EXT1: variants seen among roughly 807,000 people sequenced by gnomAD.
EXT1 encodes exostosin-1.
EXT1 carries 20 observed loss-of-function variants against 82.5 expected under a neutral mutation model. That is an observed-to-expected ratio of 0.24 (90% CI 0.17 to 0.35). The LOEUF (loss-of-function observed/expected upper bound fraction) is 0.35, where lower values mean the gene tolerates loss of function less well. Ranked by LOEUF, EXT1 falls within the 10% of genes least tolerant of loss-of-function variation. The pLI is 1.00. For missense variants in EXT1, 757 were observed against 936.5 expected, an observed-to-expected ratio of 0.81 and a Z score of 2.50; for synonymous variants, 348 against 350.8, an observed-to-expected ratio of 0.99 and a Z score of 0.09.
chr8:117,945,245 A>C (rs181183692), intron 1 of EXT1, among the ~76,000 whole-genome samples: 20 of 152,344 alleles, frequency 1.3e-4, no homozygotes, highest in African/African-American at 4.8e-4. Flanking sequence ...AGAAGTTAAG[A>C]ACATCACACA....
chr8:118,101,908 A>G (rs1387024481), intron 1 of EXT1, among the ~76,000 whole-genome samples: 1 of 152,086 alleles, frequency 6.6e-6, no homozygotes, highest in Non-Finnish European at 1.5e-5. Context: ...CAAGAAGAAA[A>G]CACTCAACAA....
chr8:117,845,447 T>A (rs933292081), intron 1 of EXT1, among the ~76,000 whole-genome samples: 1 of 152,054 alleles, frequency 6.6e-6, no homozygotes, highest in African/African-American at 2.4e-5. Flanking sequence ...TGTATATTAA[T>A]GAACACAACA....
chr8:117,809,060 T>G (rs186126010), intron 8 of EXT1, among the ~76,000 whole-genome samples: 240 of 151,872 alleles, frequency 1.6e-3, no homozygotes, highest in African/African-American at 5.6e-3. Context: ...ACCAGTAGCC[T>G]TCCTGGGTCT....
At chr8:117,898,368 T>C (rs2129961013) in intron 1 of EXT1, among the ~76,000 whole-genome samples, 1 of 152,320 alleles carries the variant, frequency 6.6e-6, no homozygotes, top group South Asian at 2.1e-4. Flanking sequence ...GGGGATGTTC[T>C]AGATGTTCAC....
At chr8:117,931,010 C>A (rs1031909549) in intron 1 of EXT1, among the ~76,000 whole-genome samples, 4 of 152,248 alleles carry the variant, frequency 2.6e-5, no homozygotes, top group Non-Finnish European at 5.9e-5. Flanking sequence ...AAGACGTTAT[C>A]TTATATGGCC....
chr8:118,085,338 T>G (rs1220552286), intron 1 of EXT1, among the ~76,000 whole-genome samples: 1 of 152,166 alleles, frequency 6.6e-6, no homozygotes, highest in African/African-American at 2.4e-5. Flanking sequence ...GCCATTTTGT[T>G]ATTAAAGCCA....
At chr8:117,817,689 GAC>G (rs1373937251) in intron 7 of EXT1, among the ~76,000 whole-genome samples, 7 of 152,144 alleles carry the variant, frequency 4.6e-5, no homozygotes, top group Non-Finnish European at 5.9e-5. Context: ...GGTAGGAAGA[GAC>G]ACAGCGCAAT....
At chr8:117,993,404 T>C (rs1202135695) in intron 1 of EXT1, among the ~76,000 whole-genome samples, 1 of 152,202 alleles carries the variant, frequency 6.6e-6, no homozygotes, top group African/African-American at 2.4e-5. Flanking sequence ...TGGATATTTA[T>C]GTACTTGAAA....
Position 117,798,281 on chromosome 8 carries a change from T to A in EXT1, c.*1431A>T, listed in dbSNP as rs1254555061. 2 of 152,232 alleles carry A rather than the reference T, an allele frequency of 1.3e-5. No homozygotes were observed. The highest frequency in any genetic ancestry group is 2.9e-5 in the Non-Finnish European group (2 of 68,038). 9.4% of individuals were successfully genotyped at this position (152,232 alleles called of 1,614,324 possible). ...GGACTCTAAAGTGCTTATTGTTTAT[T>A]CAGCATAATACATGGTCAAACTCAA... On this transcript the variant is annotated 3_prime_UTR_variant, in exon 11 of 11. Coordinates refer to ENST00000378204, the MANE Select transcript of EXT1 (RefSeq NM_000127.3).
At chr8:117,806,105 G>A (rs751304123) in intron 9 of EXT1, among the ~76,000 whole-genome samples, 13 of 152,160 alleles carry the variant, frequency 8.5e-5, no homozygotes, top group Non-Finnish European at 1.8e-4. Context: ...AAAATAATCT[G>A]ATCACTACTT....
intron 1 of EXT1, among the ~76,000 whole-genome samples, chr8:118,024,567 C>T (rs999750418): frequency 4.6e-5 from 7 of 151,612 alleles, no homozygotes; most frequent in African/African-American, 1.7e-4. Flanking sequence ...CTTCTTGGAA[C>T]TTGCAGTTCA....
intron 1 of EXT1, among the ~76,000 whole-genome samples, chr8:118,002,733 C>T (rs1275800998): frequency 6.6e-6 from 1 of 151,710 alleles, no homozygotes; most frequent in Non-Finnish European, 1.5e-5. Flanking sequence ...GGGGTTTCAC[C>T]GTGTGAGCCA....
At chr8:117,866,591 A>G (rs1812777741) in intron 1 of EXT1, among the ~76,000 whole-genome samples, 1 of 152,200 alleles carries the variant, frequency 6.6e-6, no homozygotes, top group African/African-American at 2.4e-5. Flanking sequence ...AAGTGTGATG[A>G]TTTATGCAGG....
At chr8:118,001,709 C>T (rs1156927750) in intron 1 of EXT1, among the ~76,000 whole-genome samples, 1 of 152,016 alleles carries the variant, frequency 6.6e-6, no homozygotes, top group African/African-American at 2.4e-5. Context: ...TTTTTCAACC[C>T]AGTCTATATT....
intron 1 of EXT1, among the ~76,000 whole-genome samples, chr8:117,903,384 AC>A (rs1199039672): frequency 1.3e-5 from 2 of 152,154 alleles, no homozygotes; most frequent in African/African-American, 4.8e-5. Context: ...GAGCCAAAAC[AC>A]CCAGGTAAAT....
intron 10 of EXT1, among the ~76,000 whole-genome samples, chr8:117,801,450 G>T (rs1432818406): frequency 6.6e-6 from 1 of 152,106 alleles, no homozygotes; most frequent in East Asian, 1.9e-4. Flanking sequence ...TATCAGAGTA[G>T]ACAATCCCAA....
At chr8:118,041,453 A>T (rs1816524531) in intron 1 of EXT1, among the ~76,000 whole-genome samples, 1 of 152,170 alleles carries the variant, frequency 6.6e-6, no homozygotes, top group South Asian at 2.1e-4. Context: ...GCCCCAAAAC[A>T]ATAGGAGTAG....
intron 1 of EXT1, among the ~76,000 whole-genome samples, chr8:118,056,192 C>T (rs1009465721): frequency 6.6e-6 from 1 of 152,240 alleles, no homozygotes; most frequent in South Asian, 2.1e-4. Context: ...GTTGGACAAA[C>T]TTGGTCTAAC....
intron 1 of EXT1, among the ~76,000 whole-genome samples, chr8:117,943,261 T>G (rs926596186): frequency 2.0e-5 from 3 of 152,140 alleles, no homozygotes; most frequent in Non-Finnish European, 4.4e-5. Context: ...TACTACAAAC[T>G]GCTAGTAAGA....
Sources: gnomAD v4.1 joint callset for allele counts (sites outside exome capture counted in the v4.1 genomes callset) on GRCh38, gnomAD v4.1.1 for gene constraint, MANE v1.5 for transcripts, NCBI Gene and HGNC (gene_info 2026-07-23, HGNC 2026-07-21) for gene names.